TRAF2: variants seen among roughly 807,000 people sequenced by gnomAD.
The protein encoded by TRAF2 is TNF receptor-associated factor 2.
Under a neutral mutation model 55.6 loss-of-function variants are expected in TRAF2, and 6 were observed. The observed-to-expected ratio is 0.11, with a 90% CI of 0.06 to 0.21. The LOEUF is 0.21. Ranked by LOEUF, TRAF2 falls within the 10% of genes least tolerant of loss-of-function variation. The probability of loss-of-function intolerance (pLI) is 1.00; values close to 1 mark genes in which losing one functional copy is unlikely to be tolerated. For missense variants in TRAF2, 561 were observed against 684.5 expected (o/e 0.82, Z 2.01); for synonymous variants, 329 against 276.3 (o/e 1.19, Z -1.89).
At chr9:136,913,734 G>A (rs1164719104) in intron 6 of TRAF2, among the ~76,000 whole-genome samples, 1 of 152,124 alleles carries the variant, frequency 6.6e-6, no homozygotes, top group African/African-American at 2.4e-5. Flanking sequence ...CTTTGACGAT[G>A]TAAACTATTG....
Position 136,920,300 on chromosome 9 carries a change from A to G in TRAF2, c.745A>G (p.Ser249Gly). 2 of 1,613,858 alleles carry G rather than the reference A, an allele frequency of 1.2e-6. No individual in the cohort carries two copies. Among genetic ancestry groups the G allele is most frequent in the Admixed American group, 1.7e-5 (1 of 60,024 alleles). ...WLREHLAMLLSSVLEAKPLLG... is the reference protein window; with the variant it reads ...WLREHLAMLLGSVLEAKPLLG... ...GCGGGAGCACCTGGCCATGCTACTG[A>G]GCTCGGTGCTGGAGGCAAAGCCCCT... The change falls in exon 8 of 11, where the codon AGC becomes GGC. Residue 249 changes from serine to glycine, a missense_variant. Coordinates refer to ENST00000247668, the MANE Select transcript of TRAF2 (RefSeq NM_021138.4).
chr9:136,898,531 G>T, intron 1 of TRAF2, 182 bp from the exon 2 acceptor site: 4 of 965,550 alleles, frequency 4.1e-6, no homozygotes, highest in Non-Finnish European at 4.9e-6. Flanking sequence ...AGCGGCGGGA[G>T]ATGGGACTAG....
chr9:136,922,671 C>T (rs1318067139), intron 9 of TRAF2, among the ~76,000 whole-genome samples: 3 of 88,804 alleles, frequency 3.4e-5, no homozygotes, highest in Admixed American at 2.5e-4. Flanking sequence ...GAGGATGGGC[C>T]TGGGGGCGTG....
intron 5 of TRAF2, among the ~76,000 whole-genome samples, chr9:136,908,511 C>T (rs961397239): frequency 2.7e-5 from 4 of 150,202 alleles, no homozygotes; most frequent in Non-Finnish European, 3.0e-5. Flanking sequence ...TCACGAGGTC[C>T]GGAGTTGAAG....
At chr9:136,905,597 T>C (rs983833613) in intron 4 of TRAF2, among the ~76,000 whole-genome samples, 5 of 152,176 alleles carry the variant, frequency 3.3e-5, no homozygotes, top group South Asian at 2.1e-4. Flanking sequence ...GATGATACAT[T>C]TTATGTTTAT....
chr9:136,892,046 C>T (rs531635092), intron 1 of TRAF2, among the ~76,000 whole-genome samples: 5 of 152,062 alleles, frequency 3.3e-5, no homozygotes, highest in Middle Eastern at 3.4e-3. Context: ...CCTAGCAAAA[C>T]GATCCTTTAT....
At chr9:136,915,646 G>A (rs1228830105) in intron 6 of TRAF2, among the ~76,000 whole-genome samples, 1 of 152,028 alleles carries the variant, frequency 6.6e-6, no homozygotes, top group Non-Finnish European at 1.5e-5. Flanking sequence ...GGGTTTCAGG[G>A]ACCCTGAGAC....
At chr9:136,924,886 G>GCCCGC (rs1554782664) in intron 10 of TRAF2, among the ~76,000 whole-genome samples, 1 of 151,950 alleles carries the variant, frequency 6.6e-6, no homozygotes, top group Non-Finnish European at 1.5e-5. Flanking sequence ...CTACAGGCAT[G>GCCCGC]CACCACCACG....
chr9:136,886,329 G>A (rs1008999701), upstream of TRAF2: 12 of 925,388 alleles, frequency 1.3e-5, no homozygotes, highest in Non-Finnish European at 1.4e-5. Flanking sequence ...TGCGGCTCCT[G>A]CGGGCTCGCT....
chr9:136,888,348 G>C (rs1849500476), intron 1 of TRAF2, among the ~76,000 whole-genome samples: 2 of 152,010 alleles, frequency 1.3e-5, no homozygotes. Context: ...GGAGAATGGC[G>C]TGAACCCGGG....
chr9:136,912,358 C>T (rs1461653231), intron 6 of TRAF2, among the ~76,000 whole-genome samples: 5 of 150,794 alleles, frequency 3.3e-5, no homozygotes, highest in East Asian at 2.0e-4. Flanking sequence ...GACAGGGTTT[C>T]ACCATCTTGG....
intron 7 of TRAF2, among the ~76,000 whole-genome samples, chr9:136,917,030 G>T: frequency 6.6e-6 from 1 of 151,986 alleles, no homozygotes; most frequent in East Asian, 1.9e-4. Context: ...TCCGCCACCA[G>T]CAGGCACTCG....
chr9:136,905,208 A>G (rs1323629543), intron 4 of TRAF2, among the ~76,000 whole-genome samples: 2 of 152,210 alleles, frequency 1.3e-5, no homozygotes, highest in Non-Finnish European at 2.9e-5. Flanking sequence ...CCCCGCAGCC[A>G]GGTCCTCTGC....
At chr9:136,884,426 G>A (rs982734035), upstream of TRAF2, among the ~76,000 whole-genome samples, 1 of 152,134 alleles carries the variant, frequency 6.6e-6, no homozygotes, top group East Asian at 2.0e-4. Context: ...CGGGCGTAGC[G>A]GTGTGCGCCG....
chr9:136,921,296 A>T, intron 9 of TRAF2, 81 bp downstream of exon 9: 4 of 1,558,564 alleles, frequency 2.6e-6, no homozygotes, highest in Middle Eastern at 2.0e-4. Flanking sequence ...ACCACATAGG[A>T]TGGCTCCCAA....
intron 5 of TRAF2, among the ~76,000 whole-genome samples, chr9:136,909,065 T>TA (rs1310512520): frequency 6.6e-6 from 1 of 151,796 alleles, no homozygotes; most frequent in Non-Finnish European, 1.5e-5. Flanking sequence ...AAAAAATTTT[T>TA]AAAAAAAGTT....
chr9:136,912,074 C>T (rs890562715), intron 6 of TRAF2, among the ~76,000 whole-genome samples: 7 of 148,958 alleles, frequency 4.7e-5, no homozygotes, highest in Non-Finnish European at 7.4e-5. Flanking sequence ...AGGATGGTGT[C>T]GATCTCCTGA....
Position 136,926,073 on chromosome 9 carries a change from A to G in TRAF2, c.*172A>G. Reference sequence around the variant, plus strand: ...CACTGTCACGGGGGAAGGAGCCACCAGCCAGTCCTCAGATTTCAGAGACTG... The same window carrying G: ...CACTGTCACGGGGGAAGGAGCCACCGGCCAGTCCTCAGATTTCAGAGACTG... On this transcript the variant is annotated 3_prime_UTR_variant, in exon 11 of 11. Transcript: ENST00000247668. 1.2e-6 allele frequency: 1 copy of G among 838,092 alleles called. No individual in the cohort carries two copies. The allele number at this position is 838,092 out of a possible 1,614,324, so 51.9% of individuals were successfully genotyped here. A position where few individuals can be genotyped will look rare whatever the true frequency, so the allele number is the denominator to read the frequency against.
chr9:136,895,285 G>A (rs1328146068), intron 1 of TRAF2, among the ~76,000 whole-genome samples: 1 of 152,186 alleles, frequency 6.6e-6, no homozygotes, highest in Non-Finnish European at 1.5e-5. Context: ...TTCCTGCTGC[G>A]GTTCTGCCTG....
Sources: gnomAD v4.1 joint callset for allele counts (sites outside exome capture counted in the v4.1 genomes callset) on GRCh38, gnomAD v4.1.1 for gene constraint, MANE v1.5 for transcripts, NCBI Gene and HGNC (gene_info 2026-07-23, HGNC 2026-07-21) for gene names.